Variants in ELMO1 observed in about 807,000 individuals in gnomAD.
ELMO1 encodes engulfment and cell motility protein 1.
ELMO1 carries 26 observed loss-of-function variants against 98.9 expected under a neutral mutation model. The observed-to-expected ratio is 0.26, with a 90% CI of 0.19 to 0.36. The LOEUF is 0.36. ELMO1 is among the 10% of genes least tolerant of loss of function. ELMO1 has a pLI of 1.00. For missense variants in ELMO1, 627 were observed against 935.2 expected (o/e 0.67, Z 4.30); for synonymous variants, 346 against 346.0 (o/e 1.00, Z 0.00).
At chr7:37,095,484 A>G (rs1418616879) in intron 15 of ELMO1, among the ~76,000 whole-genome samples, 1 of 152,240 alleles carries the variant, frequency 6.6e-6, no homozygotes, top group East Asian at 1.9e-4. Flanking sequence ...AGGTGAATGC[A>G]GAGATCTCTC....
At chr7:37,391,708 A>G (rs1381444399) in intron 1 of ELMO1, among the ~76,000 whole-genome samples, 1 of 152,226 alleles carries the variant, frequency 6.6e-6, no homozygotes, top group Non-Finnish European at 1.5e-5. Context: ...TCCTGATTTC[A>G]GGAACCTCTT....
chr7:36,892,708 A>C (rs1471959380), intron 17 of ELMO1, among the ~76,000 whole-genome samples: 2 of 152,158 alleles, frequency 1.3e-5, no homozygotes, highest in Non-Finnish European at 2.9e-5. Flanking sequence ...TAATAGGCAA[A>C]ACATATCGCA....
At chr7:37,344,049 T>TTTTTTTG (rs397942199) in intron 1 of ELMO1, among the ~76,000 whole-genome samples, 1 of 151,128 alleles carries the variant, frequency 6.6e-6, no homozygotes, top group African/African-American at 2.4e-5. Context: ...TTTTTTTTTT[T>TTTTTTTG]GAGACAGAGT....
rs777644296 is a variant in ELMO1, at chr7:36,854,695, T to C, written c.*856A>G. Reference sequence around the variant, plus strand: ...GAGAAGGTAACACCAAACGCTTGGATAGCAACAGTCCGTCCTAGAGGCATT... The same window carrying C: ...GAGAAGGTAACACCAAACGCTTGGACAGCAACAGTCCGTCCTAGAGGCATT... On this transcript the variant is annotated 3_prime_UTR_variant, in exon 22 of 22. Transcript: ENST00000310758. 7.2e-5 allele frequency: 11 copies of C among 152,736 alleles called. No homozygotes were observed. Among genetic ancestry groups the C allele is most frequent in the East Asian group, 1.9e-4 (1 of 5,172 alleles). 9.5% of individuals were successfully genotyped at this position (152,736 alleles called of 1,614,324 possible). A position where few individuals can be genotyped will look rare whatever the true frequency, so the allele number is the denominator to read the frequency against.
chr7:37,190,890 T>A (rs1197561599), intron 13 of ELMO1, among the ~76,000 whole-genome samples: 4 of 151,970 alleles, frequency 2.6e-5, no homozygotes, highest in Admixed American at 2.6e-4. Context: ...TATACAAGCA[T>A]AGAAAATATC....
intron 15 of ELMO1, among the ~76,000 whole-genome samples, chr7:37,066,362 C>CA (rs1453111622): frequency 1.3e-5 from 2 of 152,090 alleles, no homozygotes; most frequent in African/African-American, 4.8e-5. Flanking sequence ...CATTTGAGGG[C>CA]AATGGCAAGA....
At chr7:37,145,845 T>TA (rs1166701389) in intron 13 of ELMO1, among the ~76,000 whole-genome samples, 1 of 152,208 alleles carries the variant, frequency 6.6e-6, no homozygotes, top group African/African-American at 2.4e-5. Flanking sequence ...TGAAAAGCCC[T>TA]ATTCAAGGCT....
At chr7:37,189,766 A>T (rs535239601) in intron 13 of ELMO1, among the ~76,000 whole-genome samples, 1 of 152,354 alleles carries the variant, frequency 6.6e-6, no homozygotes, top group East Asian at 1.9e-4. Context: ...ATGGCAGCAG[A>T]TTTTTGTGGA....
intron 16 of ELMO1, among the ~76,000 whole-genome samples, chr7:36,942,697 T>C (rs564329759): frequency 6.6e-6 from 1 of 152,376 alleles, no homozygotes; most frequent in Non-Finnish European, 1.5e-5. Context: ...GGGTTCACTG[T>C]GTTCTGGCTT....
At chr7:37,209,641 G>C (rs996826696) in intron 13 of ELMO1, among the ~76,000 whole-genome samples, 8 of 152,164 alleles carry the variant, frequency 5.3e-5, no homozygotes, top group African/African-American at 1.9e-4. Context: ...AGCCTCCCAA[G>C]TGACCTCGAT....
At position 37,267,447 on chromosome 7, in the gene ELMO1, C is replaced by T. The variant is rs141294641; in HGVS notation, c.243+4385G>A. 3.3e-5 allele frequency among the ~76,000 whole-genome samples: 5 copies of T among 150,782 alleles called. No individual in the cohort carries two copies. In the East Asian group the frequency reaches 6.0e-4, roughly 18 times the overall value. On this transcript the variant is annotated intron_variant, in intron 5 of 21. Coordinates refer to ENST00000310758, the MANE Select transcript of ELMO1 (RefSeq NM_014800.11). The stretch of plus-strand genomic sequence containing the variant: ...GCATATAGCCATGCTTGGGCGCGCG[C>T]ACGCGTGTGTGTGTGTGTTCATCCT...
chr7:37,170,104 C>T (rs1435227198), intron 13 of ELMO1, among the ~76,000 whole-genome samples: 1 of 152,160 alleles, frequency 6.6e-6, no homozygotes, highest in Non-Finnish European at 1.5e-5. Context: ...AGGGTTTCAC[C>T]ATGTTGGCCA....
intron 7 of ELMO1, among the ~76,000 whole-genome samples, chr7:37,238,098 A>G (rs1179876192): frequency 6.6e-6 from 1 of 152,206 alleles, no homozygotes; most frequent in Admixed American, 6.5e-5. Flanking sequence ...CCTATAGTAT[A>G]AAGATGATAT....
At chr7:37,249,321 G>A (rs1412746586) in intron 6 of ELMO1, among the ~76,000 whole-genome samples, 2 of 152,170 alleles carry the variant, frequency 1.3e-5, no homozygotes, top group Non-Finnish European at 2.9e-5. Flanking sequence ...CACAGCACTA[G>A]ACTTTTCCAT....
chr7:37,183,607 A>G (rs540422913), intron 13 of ELMO1, among the ~76,000 whole-genome samples: 5 of 152,234 alleles, frequency 3.3e-5, no homozygotes, highest in Admixed American at 6.5e-5. Context: ...TCTATAAAGC[A>G]CAACAGCACA....
chr7:37,072,968 C>A (rs986878795), intron 15 of ELMO1, among the ~76,000 whole-genome samples: 2 of 152,172 alleles, frequency 1.3e-5, no homozygotes, highest in African/African-American at 4.8e-5. Context: ...CATATCCCTG[C>A]TAAGGGGCCA....
chr7:37,264,787 A>C (rs1317315019), intron 5 of ELMO1, among the ~76,000 whole-genome samples: 1 of 152,222 alleles, frequency 6.6e-6, no homozygotes, highest in Admixed American at 6.5e-5. Context: ...CCGTGGGCAC[A>C]GGAAAGGGTA....
Position 37,342,516 on chromosome 7 carries a change from G to A in ELMO1, c.78+97C>T. On this transcript the variant is annotated intron_variant, in intron 2 of 21. Transcript: ENST00000310758. This position sits in a 1 kb window ranked among gnomAD's most constrained non-coding sequence, Gnocchi z 4.3. ...GCACAGATTTTTCAACACAGCTAGA[G>A]AGAGAAAGGGAGAAGAGTGAGCTAT... is the stretch of plus-strand genomic sequence containing the variant. 1 of 1,231,524 alleles carries A rather than the reference G, an allele frequency of 8.1e-7. No individual in the cohort carries two copies. Among genetic ancestry groups the A allele is most frequent in the Non-Finnish European group, 1.2e-6 (1 of 835,008 alleles). 76.3% of individuals were successfully genotyped at this position (1,231,524 alleles called of 1,614,324 possible). A position where few individuals can be genotyped will look rare whatever the true frequency, so the allele number is the denominator to read the frequency against.
At chr7:36,974,804 C>T (rs1463048413) in intron 16 of ELMO1, among the ~76,000 whole-genome samples, 1 of 152,214 alleles carries the variant, frequency 6.6e-6, no homozygotes, top group African/African-American at 2.4e-5. Context: ...AGCTGTAACA[C>T]TCACCGCGAA....
Sources: allele counts gnomAD v4.1 joint callset (sites outside exome capture counted in the v4.1 genomes callset), GRCh38; gene constraint gnomAD v4.1.1; non-coding constraint Gnocchi (gnomAD v3.1); transcripts MANE v1.5; gene names NCBI Gene and HGNC (gene_info 2026-07-23, HGNC 2026-07-21).